SCHIP1: variants seen among roughly 807,000 people sequenced by gnomAD.
SCHIP1 encodes the protein schwannomin-interacting protein 1.
Under a neutral mutation model 29.7 loss-of-function variants are expected in SCHIP1, and 8 were observed. That is an observed-to-expected ratio of 0.27 (90% CI 0.16 to 0.49). The LOEUF is 0.49. Ranked by LOEUF, SCHIP1 falls within the 20% of genes least tolerant of loss-of-function variation. SCHIP1 has a pLI of 0.99. For synonymous variants in SCHIP1, 76 were observed against 94.9 expected (o/e 0.80, Z 1.16); for missense variants, 193 against 294.6 (o/e 0.66, Z 2.52).
the SCHIP1 span, among the ~76,000 whole-genome samples, chr3:159,377,661 A>C: frequency 2.0e-5 from 3 of 152,180 alleles, no homozygotes; most frequent in Non-Finnish European, 2.9e-5. Context: ...CATTCGAGTA[A>C]TTTTAATTTT....
At chr3:159,676,742 G>C in the SCHIP1 span, among the ~76,000 whole-genome samples, 1 of 152,118 alleles carries the variant, frequency 6.6e-6, no homozygotes, top group Non-Finnish European at 1.5e-5. Context: ...CTTCCCAAGA[G>C]GGCTGCCACC....
chr3:159,562,920 G>A, the SCHIP1 span, among the ~76,000 whole-genome samples: 30 of 152,182 alleles, frequency 2.0e-4, no homozygotes, highest in Non-Finnish European at 3.2e-4. Context: ...TGCTCTCCAT[G>A]ACAAACTTCT....
the SCHIP1 span, among the ~76,000 whole-genome samples, chr3:159,325,137 T>C: frequency 6.6e-6 from 1 of 152,130 alleles, no homozygotes; most frequent in Non-Finnish European, 1.5e-5. Flanking sequence ...CAACACTAGA[T>C]TTTAGAAAGA....
the SCHIP1 span, among the ~76,000 whole-genome samples, chr3:159,626,171 TCTATCTATCTAGATAGATAGATAG>T: frequency 5.7e-5 from 3 of 52,184 alleles, no homozygotes; most frequent in African/African-American, 3.7e-4. Context: ...TCTAGATATA[TCTATCTATCTAGATAGATAGATAG>T]ATAGATAGAT....
the SCHIP1 span, among the ~76,000 whole-genome samples, chr3:159,416,866 G>A: frequency 3.3e-5 from 5 of 152,332 alleles, no homozygotes; most frequent in East Asian, 7.7e-4. Context: ...GGCTGCATCA[G>A]ACAGGGGATG....
chr3:159,329,276 A>G, the SCHIP1 span, among the ~76,000 whole-genome samples: 1 of 152,192 alleles, frequency 6.6e-6, no homozygotes, highest in African/African-American at 2.4e-5. Flanking sequence ...AGTCTAAGCT[A>G]TGAGTGAGAG....
the SCHIP1 span, among the ~76,000 whole-genome samples, chr3:159,597,452 C>T: frequency 1.5e-4 from 23 of 152,196 alleles, no homozygotes; most frequent in African/African-American, 5.5e-4. Flanking sequence ...CCCAGGCATC[C>T]TGTCCACTAT....
At chr3:159,345,089 G>A in the SCHIP1 span, among the ~76,000 whole-genome samples, 4 of 151,916 alleles carry the variant, frequency 2.6e-5, no homozygotes, top group South Asian at 2.1e-4. Flanking sequence ...TTAGCTGGGC[G>A]TGGTGGTGGG....
chr3:159,518,994 TA>T, the SCHIP1 span, among the ~76,000 whole-genome samples: 1 of 152,096 alleles, frequency 6.6e-6, no homozygotes, highest in Non-Finnish European at 1.5e-5. Flanking sequence ...AAATATTTCT[TA>T]ATTTATTTAA....
chr3:159,590,645 T>A, the SCHIP1 span, among the ~76,000 whole-genome samples: 1 of 152,082 alleles, frequency 6.6e-6, no homozygotes, highest in South Asian at 2.1e-4. Context: ...ATGCATGGTG[T>A]GTTAAATCCC....
chr3:159,493,455 G>A, the SCHIP1 span, among the ~76,000 whole-genome samples: 5 of 152,146 alleles, frequency 3.3e-5, no homozygotes, highest in African/African-American at 1.2e-4. Context: ...TGCAATCCTA[G>A]TCTTGGATAA....
chr3:159,554,377 G>C, the SCHIP1 span, among the ~76,000 whole-genome samples: 1 of 152,110 alleles, frequency 6.6e-6, no homozygotes, highest in Non-Finnish European at 1.5e-5. Context: ...AGAGAAAAGG[G>C]ACTCACCAGC....
At chr3:159,281,587 G>A in the SCHIP1 span, among the ~76,000 whole-genome samples, 1 of 152,094 alleles carries the variant, frequency 6.6e-6, no homozygotes, top group Non-Finnish European at 1.5e-5. Flanking sequence ...TGGAAGAAGG[G>A]AGCTATTTAC....
chr3:159,785,159 T>C, the SCHIP1 span, among the ~76,000 whole-genome samples: 7 of 152,130 alleles, frequency 4.6e-5, no homozygotes, highest in Admixed American at 2.0e-4. Context: ...TTCATACATT[T>C]TTTTCTCCAG....
chr3:159,601,496 A>C, the SCHIP1 span, among the ~76,000 whole-genome samples: 2 of 152,254 alleles, frequency 1.3e-5, no homozygotes, highest in South Asian at 4.1e-4. Flanking sequence ...CACCCACCCT[A>C]GCCTTTGTTG....
chr3:159,605,375 GT>G, the SCHIP1 span, among the ~76,000 whole-genome samples: 1 of 152,180 alleles, frequency 6.6e-6, no homozygotes, highest in South Asian at 2.1e-4. Context: ...GTTTGAACTG[GT>G]TTTGAACTCC....
At chr3:159,789,120 T>C in the SCHIP1 span, among the ~76,000 whole-genome samples, 1 of 146,298 alleles carries the variant, frequency 6.8e-6, no homozygotes, top group Non-Finnish European at 1.5e-5. Context: ...TGTGTGTGTG[T>C]ATCTATATAT....
chr3:159,719,147 T>G, the SCHIP1 span, among the ~76,000 whole-genome samples: 1 of 152,136 alleles, frequency 6.6e-6, no homozygotes, highest in Non-Finnish European at 1.5e-5. Context: ...ATTCCCTATT[T>G]AATAAATGGT....
At chr3:159,652,376 G>A in the SCHIP1 span, among the ~76,000 whole-genome samples, 1 of 152,120 alleles carries the variant, frequency 6.6e-6, no homozygotes, top group Non-Finnish European at 1.5e-5. Context: ...AGTACATAAA[G>A]TAGAAGGGAA....
Sources: gnomAD v4.1 joint callset for allele counts (sites outside exome capture counted in the v4.1 genomes callset) on GRCh38, gnomAD v4.1.1 for gene constraint, MANE v1.5 for transcripts, NCBI Gene and HGNC (gene_info 2026-07-23, HGNC 2026-07-21) for gene names.